CDK19: variants seen among roughly 807,000 people sequenced by gnomAD.
CDK19 encodes cyclin-dependent kinase 19.
Under a neutral mutation model 68.3 loss-of-function variants are expected in CDK19, and 20 were observed. The observed-to-expected ratio is 0.29, with a 90% CI of 0.21 to 0.43. The LOEUF (loss-of-function observed/expected upper bound fraction) is 0.43. CDK19 is among the 20% of genes least tolerant of loss of function. The pLI is 1.00. For missense variants in CDK19, 339 were observed against 623.5 expected, an observed-to-expected ratio of 0.54 and a Z score of 4.86; for synonymous variants, 221 against 222.8, an observed-to-expected ratio of 0.99 and a Z score of 0.07.
chr6:110,806,370 A>G (rs1216355276), intron 1 of CDK19, among the ~76,000 whole-genome samples: 1 of 151,950 alleles, frequency 6.6e-6, no homozygotes, highest in Non-Finnish European at 1.5e-5. Flanking sequence ...TATTGTCTTA[A>G]CATTTCACTT....
chr6:110,731,053 A>C (rs1240922106), intron 2 of CDK19, among the ~76,000 whole-genome samples: 1 of 151,988 alleles, frequency 6.6e-6, no homozygotes, highest in Non-Finnish European at 1.5e-5. Flanking sequence ...ACTCCATCTC[A>C]AACAAAAAAA....
intron 1 of CDK19, among the ~76,000 whole-genome samples, chr6:110,804,389 C>G (rs1223462917): frequency 6.6e-6 from 1 of 151,892 alleles, no homozygotes; most frequent in Non-Finnish European, 1.5e-5. Flanking sequence ...GTGGCCCAGG[C>G]TGGAGTGCAA....
intron 1 of CDK19, among the ~76,000 whole-genome samples, chr6:110,766,303 G>A (rs556925273): frequency 2.4e-4 from 37 of 152,172 alleles, no homozygotes; most frequent in African/African-American, 8.9e-4. Context: ...GGCCAGGCAT[G>A]GTGGCTCACA....
chr6:110,787,864 T>C (rs1390543885), intron 1 of CDK19, among the ~76,000 whole-genome samples: 1 of 151,596 alleles, frequency 6.6e-6, no homozygotes, highest in African/African-American at 2.4e-5. Context: ...TTTTGAGACG[T>C]AGTCTCGCTC....
At chr6:110,675,531 G>A (rs1396614810) in intron 2 of CDK19, among the ~76,000 whole-genome samples, 1 of 150,096 alleles carries the variant, frequency 6.7e-6, no homozygotes, top group Admixed American at 6.8e-5. Flanking sequence ...GGAGGCTGAG[G>A]CAGGAGAATC....
intron 1 of CDK19, among the ~76,000 whole-genome samples, chr6:110,759,685 T>G (rs1467854750): frequency 6.6e-6 from 1 of 151,890 alleles, no homozygotes; most frequent in Non-Finnish European, 1.5e-5. Context: ...TCCTTCTTTA[T>G]GCTTATCTAT....
At chr6:110,786,386 T>C (rs1323475384) in intron 1 of CDK19, among the ~76,000 whole-genome samples, 1 of 152,166 alleles carries the variant, frequency 6.6e-6, no homozygotes, top group African/African-American at 2.4e-5. Flanking sequence ...ATTTCCTTCA[T>C]GATTTCCTTA....
chr6:110,814,481 G>C, intron 1 of CDK19: 1 of 389,844 alleles, frequency 2.6e-6, no homozygotes, highest in South Asian at 1.9e-5. Context: ...CGCTGCTGGG[G>C]GCGGCGGTGC....
At chr6:110,724,223 G>A (rs928418674) in intron 2 of CDK19, among the ~76,000 whole-genome samples, 2 of 151,838 alleles carry the variant, frequency 1.3e-5, no homozygotes, top group African/African-American at 2.4e-5. Flanking sequence ...GCGTGGTGGC[G>A]CATGCCTGTA....
At chr6:110,764,994 GA>G (rs144287590) in intron 1 of CDK19, among the ~76,000 whole-genome samples, 1 of 70,456 alleles carries the variant, frequency 1.4e-5, no homozygotes, top group Non-Finnish European at 3.1e-5. Flanking sequence ...AATTTTAGGG[GA>G]TAACATAGAA....
chr6:110,751,383 C>A (rs1778462809), intron 1 of CDK19, among the ~76,000 whole-genome samples: 1 of 151,910 alleles, frequency 6.6e-6, no homozygotes, highest in Non-Finnish European at 1.5e-5. Context: ...ACTGCACGTG[C>A]AAGAGACAGG....
intron 2 of CDK19, among the ~76,000 whole-genome samples, chr6:110,687,184 T>C (rs145124478): frequency 5.5e-4 from 84 of 152,088 alleles, no homozygotes; most frequent in African/African-American, 2.0e-3. Flanking sequence ...GAGGAGGAGG[T>C]CAGCTTTCTG....
rs1780821988 is a variant in CDK19, at chr6:110,649,299, AAG to A, written c.457-10595_457-10594del. Among the ~76,000 whole-genome samples the A allele has an allele frequency of 2.0e-5, 3 of 152,156 alleles. No individual in the cohort carries two copies. The South Asian group carries it at 6.2e-4, about 32-fold the overall frequency. ...GTTCAATAAATGGTGTTGGTACAACAAGTTATCTAAATGTGGAAAAAATCAAT... is the reference window on the plus strand; with the variant it reads ...GTTCAATAAATGGTGTTGGTACAACATTATCTAAATGTGGAAAAAATCAAT... On this transcript the variant is annotated intron_variant, in intron 4 of 12. Transcript: ENST00000368911.
At chr6:110,637,706 G>C (rs961488366) in intron 5 of CDK19, among the ~76,000 whole-genome samples, 1 of 152,206 alleles carries the variant, frequency 6.6e-6, no homozygotes, top group Non-Finnish European at 1.5e-5. Context: ...TAGGCCTAGC[G>C]TGGTGGCTCA....
chr6:110,730,315 T>C (rs1776657582), intron 2 of CDK19, among the ~76,000 whole-genome samples: 1 of 152,214 alleles, frequency 6.6e-6, no homozygotes, highest in Non-Finnish European at 1.5e-5. Context: ...CAGAATTGGA[T>C]GGTTAGAGAA....
At chr6:110,791,858 C>G (rs73530430) in intron 1 of CDK19, among the ~76,000 whole-genome samples, 23,731 of 152,004 alleles carry the variant, frequency 0.16, 2,066 homozygotes, top group East Asian at 0.32. Flanking sequence ...GTTGTCTAGG[C>G]TGATCTTGAA....
At chr6:110,740,301 A>T (rs1318457828) in intron 2 of CDK19, among the ~76,000 whole-genome samples, 3 of 152,204 alleles carry the variant, frequency 2.0e-5, no homozygotes, top group East Asian at 3.9e-4. Flanking sequence ...CACAGAGGCC[A>T]CAAATGTAAT....
At chr6:110,812,812 TA>T (rs66478846) in intron 1 of CDK19, among the ~76,000 whole-genome samples, 24,010 of 101,632 alleles carry the variant, frequency 0.24, 2,701 homozygotes, top group East Asian at 0.67. Context: ...TTTAAAACAG[TA>T]AAAAAAAAAA....
chr6:110,620,780 T>A (rs747108823), intron 12 of CDK19, among the ~76,000 whole-genome samples: 129 of 152,190 alleles, frequency 8.5e-4, no homozygotes, highest in Non-Finnish European at 4.0e-4. Flanking sequence ...CCTTCCCTTT[T>A]CAACTGCGTA....
Sources: gnomAD v4.1 joint callset for allele counts (sites outside exome capture counted in the v4.1 genomes callset) on GRCh38, gnomAD v4.1.1 for gene constraint, MANE v1.5 for transcripts, NCBI Gene and HGNC (gene_info 2026-07-23, HGNC 2026-07-21) for gene names.